AP2A2: variants seen among roughly 807,000 people sequenced by gnomAD.
AP2A2 encodes adaptor related protein complex 2 subunit alpha 2, also known as AP-2 complex subunit alpha-2.
A neutral mutation model predicts 104.2 loss-of-function variants in AP2A2; 32 were observed. The ratio of observed to expected loss-of-function variants is 0.31; its 90% confidence interval spans 0.23 to 0.41. AP2A2 has a LOEUF of 0.41. Among genes scored for constraint, AP2A2 ranks in the 10% least tolerant of loss-of-function variants. The pLI, the probability that AP2A2 is intolerant of heterozygous loss-of-function variation, is 1.00. For synonymous variants in AP2A2, 539 were observed against 533.3 expected, an observed-to-expected ratio of 1.01 and a Z score of -0.15; for missense variants, 912 against 1,261.0, an observed-to-expected ratio of 0.72 and a Z score of 4.19.
chr11:985,757 C>G (rs755096664), intron 8 of AP2A2, among the ~76,000 whole-genome samples, 175 bp downstream of exon 8: 1 of 152,246 alleles, frequency 6.6e-6, no homozygotes, highest in Non-Finnish European at 1.5e-5. Flanking sequence ...CCGGCCCCTC[C>G]TGCTCTGAGC....
rs1855735258 is a variant in AP2A2, at chr11:993,543, C to T, written c.1550+162C>T. Among the ~76,000 whole-genome samples the T allele has an allele frequency of 6.6e-6, 1 of 152,102 alleles. No homozygotes were observed. On this transcript the variant is annotated intron_variant, in intron 12 of 21. Coordinates refer to ENST00000448903, the MANE Select transcript of AP2A2 (RefSeq NM_012305.4). This position sits in a 1 kb window ranked among gnomAD's most constrained non-coding sequence, Gnocchi z 8.2. Reference sequence around the variant, plus strand: ...GTTTTCCTTCAGTTGATAGAAAAAGCAGGGATTCTAGTAGAAAATGGAGAC... The same window carrying T: ...GTTTTCCTTCAGTTGATAGAAAAAGTAGGGATTCTAGTAGAAAATGGAGAC...
rs1165513207 is a variant in AP2A2 at position 1,010,785 on chromosome 11, A to G, written c.*160A>G. The G allele has an allele frequency of 4.3e-6, 3 of 701,452 alleles. No homozygotes were observed. The highest frequency in any genetic ancestry group is 2.7e-5 in the East Asian group (1 of 37,116). 43.5% of individuals were successfully genotyped at this position (701,452 alleles called of 1,614,324 possible). A position where few individuals can be genotyped will look rare whatever the true frequency, so the allele number is the denominator to read the frequency against. ...ACCTCTCCCCTTTGGGCTGGACGGG[A>G]ACACACGTGTGTGGCTCAGGAGGAA... is the stretch of plus-strand genomic sequence containing the variant. On this transcript the variant is annotated 3_prime_UTR_variant, in exon 22 of 22. Transcript: ENST00000448903.
intron 1 of AP2A2, among the ~76,000 whole-genome samples, chr11:955,404 T>G (rs530260199): frequency 6.6e-6 from 1 of 152,358 alleles, no homozygotes; most frequent in Non-Finnish European, 1.5e-5. Flanking sequence ...CTGTACCTGC[T>G]GTCCTGCTTT....
chr11:929,699 G>A (rs1853227282), intron 1 of AP2A2, among the ~76,000 whole-genome samples: 1 of 152,270 alleles, frequency 6.6e-6, no homozygotes, highest in East Asian at 1.9e-4. Flanking sequence ...AGTGGGCTGA[G>A]GTGAGAGCAT....
intron 2 of AP2A2, among the ~76,000 whole-genome samples, chr11:959,718 C>T (rs528232377): frequency 1.3e-5 from 2 of 152,298 alleles, no homozygotes; most frequent in East Asian, 3.9e-4. Flanking sequence ...TTTCCTGGAG[C>T]TGGAACAGCA....
chr11:965,938 TCAGGTCA>T, intron 2 of AP2A2, among the ~76,000 whole-genome samples: 1 of 152,312 alleles, frequency 6.6e-6, no homozygotes, highest in East Asian at 1.9e-4. Context: ...CTTCCTGGGC[TCAGGTCA>T]TCCTCCTGCT....
At chr11:995,133 G>C (rs1343869060) in intron 14 of AP2A2, among the ~76,000 whole-genome samples, 1 of 152,206 alleles carries the variant, frequency 6.6e-6, no homozygotes, top group African/African-American at 2.4e-5. Context: ...GTGGTGCCTT[G>C]TTTTAGGGGA....
At chr11:955,264 C>T (rs1053691560) in intron 1 of AP2A2, among the ~76,000 whole-genome samples, 21 of 152,230 alleles carry the variant, frequency 1.4e-4, no homozygotes, top group African/African-American at 4.8e-4. Flanking sequence ...CACCCATGCG[C>T]AGTCCCAGCT....
chr11:939,681 C>T (rs1489042659), intron 1 of AP2A2, among the ~76,000 whole-genome samples: 3 of 151,960 alleles, frequency 2.0e-5, no homozygotes, highest in African/African-American at 7.3e-5. Context: ...CTGACCTCAA[C>T]TGATCTGCCC....
intron 14 of AP2A2, among the ~76,000 whole-genome samples, chr11:999,804 T>C (rs1315798786): frequency 2.9e-3 from 74 of 25,408 alleles, no homozygotes; most frequent in East Asian, 0.021. Flanking sequence ...TAGTTCTTTC[T>C]TTTTTTTTTT....
chr11:956,195 T>C (rs1456056927), intron 1 of AP2A2, among the ~76,000 whole-genome samples: 2 of 152,092 alleles, frequency 1.3e-5, no homozygotes, highest in Non-Finnish European at 2.9e-5. Flanking sequence ...TTTTCTTTTT[T>C]TTTCTTTCTG....
Position 997,872 on chromosome 11 carries a change from T to C in AP2A2, c.1957-2560T>C, listed in dbSNP as rs769047480. On this transcript the variant is annotated intron_variant, in intron 14 of 21. Transcript: ENST00000448903. ...GTGAGCTGAGATTGCACCACTGCAC[T>C]CCAGCCTGGGTAACAGAGTGAGACT... 1.5e-3 allele frequency among the ~76,000 whole-genome samples: 229 copies of C among 152,196 alleles called. 1 individual carries two copies. The highest frequency in any genetic ancestry group is 2.2e-3 in the Non-Finnish European group (149 of 68,004).
intron 1 of AP2A2, among the ~76,000 whole-genome samples, chr11:936,936 C>G (rs1853477221): frequency 6.6e-6 from 1 of 152,102 alleles, no homozygotes; most frequent in South Asian, 2.1e-4. Flanking sequence ...GGCTGCTGGG[C>G]CTGTGCTGCG....
At chr11:941,804 G>A (rs1185314838) in intron 1 of AP2A2, among the ~76,000 whole-genome samples, 3 of 151,758 alleles carry the variant, frequency 2.0e-5, no homozygotes, top group Admixed American at 6.6e-5. Context: ...CTAGGCTGGT[G>A]TTGAACTCCT....
intron 1 of AP2A2, among the ~76,000 whole-genome samples, chr11:957,341 C>T (rs1283341763): frequency 6.6e-6 from 1 of 152,200 alleles, no homozygotes; most frequent in Non-Finnish European, 1.5e-5. Context: ...TGATTGACAG[C>T]TGTGTACAAA....
chr11:1,001,857 C>G (rs931024566), intron 15 of AP2A2, among the ~76,000 whole-genome samples: 1 of 152,204 alleles, frequency 6.6e-6, no homozygotes, highest in Non-Finnish European at 1.5e-5. Context: ...GTGGCGCTGT[C>G]TGCAGCTGGC....
chr11:954,106 G>A (rs974405538), intron 1 of AP2A2, among the ~76,000 whole-genome samples: 1 of 152,142 alleles, frequency 6.6e-6, no homozygotes, highest in African/African-American at 2.4e-5. Flanking sequence ...AAGTGCAGAC[G>A]TGAGTCACTG....
Position 993,684 on chromosome 11 carries a change from C to T in AP2A2, c.1551-70C>T, listed in dbSNP as rs112511283. ...GCCAGGGGGTCTCGCCGCCGTCCCCCCCCCGCGGGGGCGTGCTGCAGCCTG... is the reference window on the plus strand; with the variant it reads ...GCCAGGGGGTCTCGCCGCCGTCCCCTCCCCGCGGGGGCGTGCTGCAGCCTG... On this transcript the variant is annotated intron_variant, in intron 12 of 21. Transcript: ENST00000448903. The surrounding 1 kb of genome is among the most constrained non-coding windows in gnomAD (Gnocchi z 8.2). 4.0e-6 allele frequency: 5 copies of T among 1,250,606 alleles called. No homozygotes were observed. Among genetic ancestry groups the T allele is most frequent in the Middle Eastern group, 1.9e-4 (1 of 5,254 alleles). The allele number at this position is 1,250,606 out of a possible 1,614,324, so 77.5% of individuals were successfully genotyped here.
chr11:934,116 C>T (rs1428068903), intron 1 of AP2A2, among the ~76,000 whole-genome samples: 1 of 151,930 alleles, frequency 6.6e-6, no homozygotes, highest in Admixed American at 6.6e-5. Context: ...TCTTTCTGCC[C>T]CATGTAGCTC....
Sources: gnomAD v4.1 joint callset for allele counts (sites outside exome capture counted in the v4.1 genomes callset) on GRCh38, gnomAD v4.1.1 for gene constraint, Gnocchi (gnomAD v3.1) non-coding constraint, MANE v1.5 for transcripts, NCBI Gene and HGNC (gene_info 2026-07-23, HGNC 2026-07-21) for gene names.